The following MIR2052HG variants were observed in gnomAD, a reference collection of about 807,000 sequenced individuals.
MIR2052HG encodes the protein MIR2052 host gene.
intron 2 of MIR2052HG, among the ~76,000 whole-genome samples, chr8:74,670,686 A>T (rs1026467495): frequency 6.6e-6 from 1 of 152,138 alleles, no homozygotes; most frequent in African/African-American, 2.4e-5. Flanking sequence ...AAAGAAAAAT[A>T]TTTCAGGAAG....
At chr8:74,645,830 G>A (rs1285898805) in intron 2 of MIR2052HG, among the ~76,000 whole-genome samples, 1 of 152,186 alleles carries the variant, frequency 6.6e-6, no homozygotes, top group African/African-American at 2.4e-5. Flanking sequence ...CTAATGGTCA[G>A]CTTCCTCTAT....
intron 2 of MIR2052HG, among the ~76,000 whole-genome samples, chr8:74,677,826 T>C (rs555157133): frequency 1.9e-4 from 29 of 152,016 alleles, no homozygotes; most frequent in African/African-American, 6.3e-4. Flanking sequence ...ATGGCTATAG[T>C]AAAAAAAATT....
chr8:74,607,307 G>C (rs1040565403), intron 1 of MIR2052HG, among the ~76,000 whole-genome samples: 1 of 152,052 alleles, frequency 6.6e-6, no homozygotes, highest in African/African-American at 2.4e-5. Flanking sequence ...CTTAATAATA[G>C]AGCTTAAAAA....
At chr8:74,744,371 A>G (rs900212881) in intron 4 of MIR2052HG, among the ~76,000 whole-genome samples, 4 of 151,390 alleles carry the variant, frequency 2.6e-5, no homozygotes, top group Non-Finnish European at 5.9e-5. Context: ...CATGTGCACA[A>G]TGTGCAGGTT....
chr8:74,723,581 G>A (rs1172110638), intron 4 of MIR2052HG, among the ~76,000 whole-genome samples: 3 of 152,106 alleles, frequency 2.0e-5, no homozygotes, highest in Non-Finnish European at 4.4e-5. Context: ...CTTAGAAGGT[G>A]TATTAAAGAT....
At chr8:74,741,721 C>T (rs1586929149) in intron 4 of MIR2052HG, among the ~76,000 whole-genome samples, 1 of 152,138 alleles carries the variant, frequency 6.6e-6, no homozygotes, top group Non-Finnish European at 1.5e-5. Flanking sequence ...TTTTAGGTAA[C>T]ATACATAATC....
intron 2 of MIR2052HG, among the ~76,000 whole-genome samples, chr8:74,659,100 T>A (rs375527395): frequency 6.6e-6 from 1 of 152,230 alleles, no homozygotes; most frequent in Non-Finnish European, 1.5e-5. Context: ...GAAACTAACC[T>A]GAACTTTTTT....
chr8:74,687,485 A>C (rs773974405), intron 2 of MIR2052HG, among the ~76,000 whole-genome samples: 1 of 152,172 alleles, frequency 6.6e-6, no homozygotes, highest in South Asian at 2.1e-4. Flanking sequence ...AAAATGTGGT[A>C]TATACATACA....
rs1809655166 is a variant in MIR2052HG at position 74,728,075 on chromosome 8, G to T, written n.372-24366G>T. On this transcript the variant is annotated intron_variant and non_coding_transcript_variant, in intron 4 of 6. Transcript: ENST00000523442. ...AGGCAATGGAAAGTTGTCTTTATAG[G>T]ATTTTCCTTGGGATGAGTTTTGTAG... 2.6e-5 allele frequency among the ~76,000 whole-genome samples: 4 copies of T among 152,196 alleles called. No individual in the cohort carries two copies. In the South Asian group the frequency reaches 8.3e-4, roughly 31 times the overall value.
chr8:74,612,660 A>G (rs1368313602), intron 1 of MIR2052HG: 1 of 330,424 alleles, frequency 3.0e-6, no homozygotes, highest in East Asian at 7.8e-5. Flanking sequence ...TACCTTTAGA[A>G]AGTCTGGAAA....
At chr8:74,749,889 T>C (rs1809927200) in intron 4 of MIR2052HG, among the ~76,000 whole-genome samples, 1 of 147,160 alleles carries the variant, frequency 6.8e-6, no homozygotes, top group South Asian at 2.2e-4. Context: ...ACATTTGGAG[T>C]AGCACTTTGA....
At chr8:74,645,288 CTT>C (rs1184162899) in intron 2 of MIR2052HG, among the ~76,000 whole-genome samples, 11 of 144,076 alleles carry the variant, frequency 7.6e-5, no homozygotes, top group Non-Finnish European at 7.7e-5. Context: ...TCTTTTCTTT[CTT>C]TTTTTTTTTT....
intron 2 of MIR2052HG, among the ~76,000 whole-genome samples, chr8:74,657,258 C>T (rs949441431): frequency 6.6e-6 from 1 of 152,208 alleles, no homozygotes; most frequent in Non-Finnish European, 1.5e-5. Context: ...CTTCCCACTG[C>T]AGCAGCACCA....
intron 4 of MIR2052HG, among the ~76,000 whole-genome samples, chr8:74,749,578 C>T (rs1032706035): frequency 6.6e-6 from 1 of 152,062 alleles, no homozygotes; most frequent in Non-Finnish European, 1.5e-5. Context: ...AAGCCAGGCA[C>T]AGTGGCTCAC....
exon 2 of MIR2052HG, chr8:74,612,940 G>A (rs772045625): frequency 4.4e-6 from 2 of 456,114 alleles, no homozygotes; most frequent in South Asian, 3.1e-5. Context: ...TGGAGTGGAA[G>A]GTGGGAAAGA....
At chr8:74,750,649 T>A (rs1359873309) in intron 4 of MIR2052HG, among the ~76,000 whole-genome samples, 1 of 152,248 alleles carries the variant, frequency 6.6e-6, no homozygotes, top group Admixed American at 6.5e-5. Context: ...TCAAATTTAC[T>A]GTAAGAAAAG....
chr8:74,607,313 A>T (rs1380446217), intron 1 of MIR2052HG, among the ~76,000 whole-genome samples: 2 of 152,188 alleles, frequency 1.3e-5, no homozygotes, highest in African/African-American at 4.8e-5. Flanking sequence ...AATAGAGCTT[A>T]AAAAATACAC....
At chr8:74,646,280 G>A (rs1395379118) in intron 2 of MIR2052HG, among the ~76,000 whole-genome samples, 2 of 152,218 alleles carry the variant, frequency 1.3e-5, no homozygotes, top group Admixed American at 6.5e-5. Context: ...CTTTATAAGA[G>A]TTCTCTGGCT....
At chr8:74,602,849 C>CTTTCTTTCT (rs1808033210) in intron 1 of MIR2052HG, among the ~76,000 whole-genome samples, 4 of 142,732 alleles carry the variant, frequency 2.8e-5, no homozygotes, top group Non-Finnish European at 6.0e-5. Context: ...TTCTTTCTTT[C>CTTTCTTTCT]TTTCTTTCTT....
Sources: allele counts gnomAD v4.1 joint callset (sites outside exome capture counted in the v4.1 genomes callset), GRCh38; gene constraint gnomAD v4.1.1; transcripts MANE v1.5; gene names NCBI Gene and HGNC (gene_info 2026-07-23, HGNC 2026-07-21).